Variants in PLXNC1 observed in about 807,000 individuals in gnomAD.
PLXNC1 encodes plexin-C1.
A neutral mutation model predicts 178.2 loss-of-function variants in PLXNC1; 75 were observed. That is an observed-to-expected ratio of 0.42 (90% CI 0.35 to 0.51). The LOEUF is 0.51. Among genes scored for constraint, PLXNC1 ranks in the 20% least tolerant of loss-of-function variants. PLXNC1 has a pLI of 0.02. For synonymous variants in PLXNC1, 790 were observed against 779.9 expected (o/e 1.01, Z -0.22); for missense variants, 1,503 against 1,984.4 (o/e 0.76, Z 4.61).
rs1240952618 is a variant in PLXNC1, at chr12:94,265,205, G to A, written c.3577G>A (p.Val1193Ile). 2 of 1,611,990 alleles carry A rather than the reference G, an allele frequency of 1.2e-6. No individual in the cohort carries two copies. Among genetic ancestry groups the A allele is most frequent in the Non-Finnish European group, 1.7e-6 (2 of 1,178,426 alleles). The change falls in exon 21 of 31, where the codon GTT becomes ATT. Residue 1193 changes from valine (V) to isoleucine (I), a missense_variant. This residue lies in a region of PLXNC1 where 639 missense variants were observed against 979.7 expected (regional missense o/e 0.65). Coordinates refer to ENST00000258526, the MANE Select transcript of PLXNC1 (RefSeq NM_005761.3). The part of the protein sequence containing the change: ...TLNEDWLLWQ[V>I]PEFSTVALNV... The stretch of plus-strand genomic sequence containing the variant: ...TAATGAAGACTGGCTGTTGTGGCAG[G>A]TTCCGGAATTCAGTACTGTGGTATG...
intron 24 of PLXNC1, among the ~76,000 whole-genome samples, chr12:94,295,766 C>A (rs1259603723): frequency 1.3e-5 from 2 of 152,134 alleles, no homozygotes; most frequent in Non-Finnish European, 2.9e-5. Context: ...CCAACTTGAC[C>A]AGGGCCCTCC....
intron 4 of PLXNC1, among the ~76,000 whole-genome samples, chr12:94,203,034 T>C (rs1386180906): frequency 3.3e-5 from 5 of 151,824 alleles, no homozygotes; most frequent in Admixed American, 3.3e-4. Flanking sequence ...GAACAGGAAG[T>C]GGGAAGCGGG....
chr12:94,263,704 A>T (rs1965069129), intron 20 of PLXNC1, among the ~76,000 whole-genome samples: 2 of 152,116 alleles, frequency 1.3e-5, no homozygotes, highest in Non-Finnish European at 1.5e-5. Context: ...TGAGAATTAA[A>T]TGTCATGCAC....
intron 23 of PLXNC1, 150 bp downstream of exon 23, chr12:94,282,551 G>C: frequency 1.6e-6 from 1 of 610,310 alleles, no homozygotes; most frequent in East Asian, 2.8e-5. Context: ...TTCGTTGCTT[G>C]TGCAGACAAG....
In PLXNC1 at chr12:94,219,999, A is replaced by T. The variant is rs577508408; in HGVS notation, c.1555-17A>T. The T allele has an allele frequency of 1.6e-5, 26 of 1,609,770 alleles. No homozygotes were observed. The Admixed American group carries it at 1.8e-4, about 11-fold the overall frequency. On this transcript the variant is annotated splice_polypyrimidine_tract_variant and intron_variant, in intron 5 of 30. Coordinates refer to ENST00000258526, the MANE Select transcript of PLXNC1 (RefSeq NM_005761.3). ...AGGCAAAAATCATCATTTTTTCCCC[A>T]TATCTTCCCCGCACAGACTACAGTG...
chr12:94,276,205 A>G (rs1036337867), intron 21 of PLXNC1, among the ~76,000 whole-genome samples: 1 of 152,214 alleles, frequency 6.6e-6, no homozygotes, highest in Non-Finnish European at 1.5e-5. Flanking sequence ...GAGATTGCTG[A>G]AGCTCCGATT....
chr12:94,271,562 T>C (rs1965573043), intron 21 of PLXNC1, among the ~76,000 whole-genome samples: 1 of 152,168 alleles, frequency 6.6e-6, no homozygotes, highest in African/African-American at 2.4e-5. Context: ...TAGTCTTGGG[T>C]TTGAATCTGG....
intron 5 of PLXNC1, among the ~76,000 whole-genome samples, chr12:94,211,686 C>T (rs1963472116): frequency 6.6e-6 from 1 of 152,208 alleles, no homozygotes; most frequent in South Asian, 2.1e-4. Flanking sequence ...ATAGTACATC[C>T]TCATACTCAC....
chr12:94,288,386 C>T (rs975582819), intron 23 of PLXNC1, among the ~76,000 whole-genome samples: 3 of 152,166 alleles, frequency 2.0e-5, no homozygotes, highest in African/African-American at 4.8e-5. Context: ...TTCAGGTCTT[C>T]GCAGTTTCCC....
Position 94,182,372 on chromosome 12 carries a change from C to A in PLXNC1, c.1338+792C>A, listed in dbSNP as rs532409876. 5.7e-5 allele frequency among the ~76,000 whole-genome samples: 7 copies of A among 123,170 alleles called. No homozygotes were observed. In the East Asian group the frequency reaches 1.8e-3, roughly 32 times the overall value. 80.8% of individuals were successfully genotyped at this position (123,170 alleles called of 152,430 possible). On this transcript the variant is annotated intron_variant, in intron 3 of 30. Coordinates refer to ENST00000258526, the MANE Select transcript of PLXNC1 (RefSeq NM_005761.3). ...GTTTAAGGCTGCAGTGAGCCATGATCAAACCACTGTACCCTAGCCTGGGTG... is the reference window on the plus strand; with the variant it reads ...GTTTAAGGCTGCAGTGAGCCATGATAAAACCACTGTACCCTAGCCTGGGTG...
chr12:94,191,123 G>A (rs1321975262), intron 4 of PLXNC1, among the ~76,000 whole-genome samples: 1 of 152,232 alleles, frequency 6.6e-6, no homozygotes, highest in East Asian at 1.9e-4. Flanking sequence ...AGCAGGTTAA[G>A]ACTTGTGCCT....
At chr12:94,215,992 A>C (rs537808875) in intron 5 of PLXNC1, among the ~76,000 whole-genome samples, 21 of 152,288 alleles carry the variant, frequency 1.4e-4, no homozygotes, top group Middle Eastern at 6.8e-3. Context: ...TTGGCCAGGC[A>C]TGGTGGCTCA....
chr12:94,210,687 C>G (rs1000019866), intron 5 of PLXNC1, among the ~76,000 whole-genome samples: 1 of 152,166 alleles, frequency 6.6e-6, no homozygotes, highest in African/African-American at 2.4e-5. Flanking sequence ...AATCAAGCTT[C>G]TAAGTTGTAA....
intron 21 of PLXNC1, among the ~76,000 whole-genome samples, chr12:94,275,321 A>C (rs1008286408): frequency 1.3e-5 from 2 of 152,250 alleles, no homozygotes; most frequent in Non-Finnish European, 2.9e-5. Flanking sequence ...GCAGGAGAAC[A>C]TGCTGGTTAA....
chr12:94,172,490 G>C (rs752027045), intron 2 of PLXNC1, among the ~76,000 whole-genome samples: 7 of 152,088 alleles, frequency 4.6e-5, no homozygotes, highest in Non-Finnish European at 8.8e-5. Flanking sequence ...TATTGTAAAG[G>C]TAATATATGC....
At chr12:94,241,337 C>T (rs2627746) in intron 11 of PLXNC1, among the ~76,000 whole-genome samples, 57,877 of 151,874 alleles carry the variant, frequency 0.38, 12,310 homozygotes, top group African/African-American at 0.58. Flanking sequence ...ACCTCAAGCA[C>T]TTATCATTTC....
intron 23 of PLXNC1, among the ~76,000 whole-genome samples, chr12:94,287,688 TAGGAATGCCCCAA>T (rs1555209951): frequency 6.6e-6 from 1 of 152,172 alleles, no homozygotes; most frequent in Non-Finnish European, 1.5e-5. Flanking sequence ...TTAAAGCTCA[TAGGAATGCCCCAA>T]AGGGTCTGTT....
chr12:94,218,080 A>C (rs1963694886), intron 5 of PLXNC1, among the ~76,000 whole-genome samples: 1 of 152,224 alleles, frequency 6.6e-6, no homozygotes, highest in South Asian at 2.1e-4. Flanking sequence ...TAAGACATAT[A>C]TGTATACAAG....
chr12:94,169,374 T>A, intron 2 of PLXNC1, 81 bp downstream of exon 2: 1 of 1,236,570 alleles, frequency 8.1e-7, no homozygotes, highest in Non-Finnish European at 1.2e-6. Flanking sequence ...TTAATGCTTC[T>A]GGGTTATACA....
Sources: gnomAD v4.1 joint callset for allele counts (sites outside exome capture counted in the v4.1 genomes callset) on GRCh38, gnomAD v4.1.1 for gene constraint, gnomAD v4.1.1 regional missense constraint, MANE v1.5 for transcripts, NCBI Gene and HGNC (gene_info 2026-07-23, HGNC 2026-07-21) for gene names.